Variants in SGCD observed in about 807,000 individuals in gnomAD.
SGCD encodes delta-sarcoglycan.
A neutral mutation model predicts 36.6 loss-of-function variants in SGCD; 18 were observed. The ratio of observed to expected loss-of-function variants is 0.49; its 90% CI spans 0.34 to 0.73. The LOEUF is 0.73. Ranked by LOEUF, SGCD falls within the 30% of genes least tolerant of loss-of-function variation. The pLI is 0.01. For synonymous variants in SGCD, 133 were observed against 130.6 expected, an observed-to-expected ratio of 1.02 and a Z score of -0.12; for missense variants, 387 against 346.7, an observed-to-expected ratio of 1.12 and a Z score of -0.92.
At chr5:156,593,931 T>C (rs1760825384) in intron 5 of SGCD, among the ~76,000 whole-genome samples, 1 of 152,200 alleles carries the variant, frequency 6.6e-6, no homozygotes, top group African/African-American at 2.4e-5. Context: ...ACCCTCAAAT[T>C]TTTTTCTGTA....
At chr5:156,147,037 C>A (rs1205955519) in intron 3 of SGCD, among the ~76,000 whole-genome samples, 1 of 152,038 alleles carries the variant, frequency 6.6e-6, no homozygotes, top group Non-Finnish European at 1.5e-5. Flanking sequence ...TTTTATTCAG[C>A]TCATTAATTA....
At chr5:156,150,685 C>G (rs79374294) in intron 3 of SGCD, among the ~76,000 whole-genome samples, 1,972 of 151,736 alleles carry the variant, frequency 0.013, 84 homozygotes, top group African/African-American at 0.035. Flanking sequence ...CCGCAGTGAT[C>G]TTTAGACTGT....
intron 2 of SGCD, chr5:156,118,064 C>T (rs1761945284): frequency 6.6e-6 from 1 of 152,132 alleles, no homozygotes; most frequent in Admixed American, 6.6e-5. Flanking sequence ...GTAATTTAAT[C>T]ACCCATCTGT....
chr5:156,106,768 A>T (rs1337318243), intron 1 of SGCD, among the ~76,000 whole-genome samples: 1 of 152,154 alleles, frequency 6.6e-6, no homozygotes, highest in Non-Finnish European at 1.5e-5. Flanking sequence ...TTTCTTGCCC[A>T]CTAATATCTG....
chr5:155,973,222 C>T (rs1254446112), intron 1 of SGCD, among the ~76,000 whole-genome samples: 1 of 152,110 alleles, frequency 6.6e-6, no homozygotes. Flanking sequence ...GATATTTACC[C>T]ACATCCATTT....
chr5:155,975,630 TTTTTTTTTTTTTTTTTG>T (rs1758098895), intron 1 of SGCD, among the ~76,000 whole-genome samples: 1 of 99,242 alleles, frequency 1.0e-5, no homozygotes, highest in African/African-American at 4.2e-5. Context: ...TTTTTTTTTT[TTTTTTTTTTTTTTTTTG>T]AGACGGAGTT....
intron 6 of SGCD, among the ~76,000 whole-genome samples, chr5:156,595,858 AT>A (rs770546747): frequency 6.5e-4 from 99 of 152,330 alleles, no homozygotes; most frequent in Non-Finnish European, 1.3e-3. Context: ...ATTTGCAGAA[AT>A]TTCTATGATC....
chr5:156,207,647 C>T (rs932073519), intron 3 of SGCD, among the ~76,000 whole-genome samples: 11 of 152,046 alleles, frequency 7.2e-5, no homozygotes, highest in African/African-American at 2.4e-4. Context: ...TTTGCACCAG[C>T]CTAATATTTT....
intron 2 of SGCD, among the ~76,000 whole-genome samples, chr5:156,330,129 G>C (rs971508717): frequency 6.0e-5 from 9 of 150,538 alleles, no homozygotes; most frequent in Non-Finnish European, 7.4e-5. Flanking sequence ...TTCAAAATTT[G>C]AAACTTTTTG....
At chr5:156,265,525 C>A (rs184262283) in intron 3 of SGCD, among the ~76,000 whole-genome samples, 264 of 151,684 alleles carry the variant, frequency 1.7e-3, no homozygotes, top group African/African-American at 6.0e-3. Context: ...CTGTTGGAAC[C>A]AAATATATTT....
chr5:156,532,911 T>G (rs959635793), intron 4 of SGCD, among the ~76,000 whole-genome samples: 1 of 152,220 alleles, frequency 6.6e-6, no homozygotes, highest in African/African-American at 2.4e-5. Context: ...CTCTATCACT[T>G]TGATCTTCTA....
chr5:155,799,479 C>T, the SGCD span, among the ~76,000 whole-genome samples: 1,405 of 151,200 alleles, frequency 9.3e-3, 21 homozygotes, highest in African/African-American at 0.032. Flanking sequence ...CTGCAACCTT[C>T]GTCTCCCTTG....
intron 1 of SGCD, among the ~76,000 whole-genome samples, chr5:156,021,707 G>A (rs893518737): frequency 1.3e-5 from 2 of 152,058 alleles, no homozygotes; most frequent in Non-Finnish European, 2.9e-5. Context: ...AACGGTGGGA[G>A]GGTGTACAGT....
chr5:155,794,297 A>G, the SGCD span, among the ~76,000 whole-genome samples: 1 of 152,188 alleles, frequency 6.6e-6, no homozygotes, highest in Non-Finnish European at 1.5e-5. Flanking sequence ...ATAATATTTG[A>G]TATTAAGTAT....
chr5:156,651,204 GAC>G (rs1366448823), intron 7 of SGCD, among the ~76,000 whole-genome samples: 1 of 151,970 alleles, frequency 6.6e-6, no homozygotes, highest in Non-Finnish European at 1.5e-5. Context: ...TCAGATATTA[GAC>G]CTTTGTTGGG....
chr5:156,285,737 G>T (rs1188051993), intron 3 of SGCD, among the ~76,000 whole-genome samples: 1 of 152,046 alleles, frequency 6.6e-6, no homozygotes, highest in Admixed American at 6.5e-5. Flanking sequence ...GAAAACCTAG[G>T]CAATACCATT....
intron 4 of SGCD, among the ~76,000 whole-genome samples, chr5:156,522,491 CA>C (rs1281440108): frequency 1.3e-5 from 2 of 151,974 alleles, no homozygotes; most frequent in Non-Finnish European, 2.9e-5. Context: ...CAAAGAAAAC[CA>C]AACGTCGCAT....
At chr5:156,374,574 AAAAC>A (rs1770555170) in intron 3 of SGCD, among the ~76,000 whole-genome samples, 1 of 152,196 alleles carries the variant, frequency 6.6e-6, no homozygotes, top group Non-Finnish European at 1.5e-5. Flanking sequence ...TTTTTGCTAA[AAAAC>A]AAAGCAAATT....
chr5:156,546,197 T>C (rs1163269597), intron 4 of SGCD, among the ~76,000 whole-genome samples: 1 of 152,224 alleles, frequency 6.6e-6, no homozygotes, highest in Non-Finnish European at 1.5e-5. Flanking sequence ...TTCTGGAATA[T>C]GTGTTAATAT....
Sources: gnomAD v4.1 joint callset for allele counts (sites outside exome capture counted in the v4.1 genomes callset) on GRCh38, gnomAD v4.1.1 for gene constraint, MANE v1.5 for transcripts, NCBI Gene and HGNC (gene_info 2026-07-23, HGNC 2026-07-21) for gene names.